The following NTSR1 variants were observed in gnomAD, a reference collection of about 807,000 sequenced individuals.
NTSR1 encodes the protein neurotensin receptor 1.
Under a neutral mutation model 31.2 loss-of-function variants are expected in NTSR1, and 29 were observed. The observed-to-expected ratio is 0.93, with a 90% CI of 0.69 to 1.27. NTSR1 has a LOEUF of 1.27. Ranked by LOEUF, NTSR1 falls within the 50% of genes most tolerant of loss-of-function variation. The probability of loss-of-function intolerance (pLI) is 0.00; values close to 1 mark genes in which losing one functional copy is unlikely to be tolerated. For synonymous variants in NTSR1, 282 were observed against 269.9 expected (o/e 1.04, Z -0.44); for missense variants, 697 against 595.4 (o/e 1.17, Z -1.78).
rs557535083 is a variant in NTSR1, at chr20:62,760,214, G to A, written c.1204G>A (p.Val402Met). Residue 402 changes from valine to methionine, a missense_variant, in exon 4 of 4, where the codon GTG becomes ATG. Coordinates refer to ENST00000370501, the MANE Select transcript of NTSR1 (RefSeq NM_002531.3). ...RPAFSRKADS[V>M]SSNHTLSSNA... ...AGCCTTCTCGAGGAAGGCCGACAGCGTGTCCAGCAACCACACCCTCTCCAG... is the reference window on the plus strand; with the variant it reads ...AGCCTTCTCGAGGAAGGCCGACAGCATGTCCAGCAACCACACCCTCTCCAG... The A allele has an allele frequency of 4.5e-5, 72 of 1,613,694 alleles. 1 individual carries two copies. Among genetic ancestry groups the A allele is most frequent in the South Asian group, 1.4e-4 (13 of 91,078 alleles).
intron 1 of NTSR1, among the ~76,000 whole-genome samples, chr20:62,747,011 C>A (rs928202404): frequency 6.6e-6 from 1 of 152,230 alleles, no homozygotes; most frequent in Non-Finnish European, 1.5e-5. Context: ...TGGCAAACTT[C>A]ATTCAACAGC....
At chr20:62,734,475 C>G (rs1251859858) in intron 1 of NTSR1, among the ~76,000 whole-genome samples, 5 of 152,210 alleles carry the variant, frequency 3.3e-5, no homozygotes, top group Non-Finnish European at 5.9e-5. Context: ...CATTCTTGAC[C>G]TTGTGCAATG....
At chr20:62,719,122 T>TTA (rs1487625192) in intron 1 of NTSR1, among the ~76,000 whole-genome samples, 1 of 63,826 alleles carries the variant, frequency 1.6e-5, no homozygotes, top group Non-Finnish European at 3.8e-5. Flanking sequence ...TTTTTTTCTT[T>TTA]CAAAAAAAAA....
chr20:62,731,943 A>G (rs1406221960), intron 1 of NTSR1, among the ~76,000 whole-genome samples: 2 of 151,876 alleles, frequency 1.3e-5, no homozygotes, highest in Non-Finnish European at 2.9e-5. Context: ...ATATAGTGAA[A>G]CCCCCATCTC....
rs536787765 is a variant in NTSR1 at position 62,760,328 on chromosome 20, CAG to C, written c.*64_*65del. 2.9e-5 allele frequency: 45 copies of C among 1,535,974 alleles called. No homozygotes were observed. The African/African-American group carries it at 4.8e-4, about 16-fold the overall frequency. ...GCCATGGGTCCTTGCCCCCGACAGA[CAG>C]AGCAGCCCCCACCCGGGAGCCTTGA... On this transcript the variant is annotated 3_prime_UTR_variant, in exon 4 of 4. Transcript: ENST00000370501.
Position 62,758,312 on chromosome 20 carries a change from G to A in NTSR1, c.963G>A (p.Val321=), listed in dbSNP as rs775543868. 2.5e-6 allele frequency: 4 copies of A among 1,613,662 alleles called. No individual in the cohort carries two copies. The highest frequency in any genetic ancestry group is 3.4e-6 in the Non-Finnish European group (4 of 1,180,004). The change falls in exon 3 of 4, where the codon GTG becomes GTA. Residue 321 remains valine, a synonymous_variant. Coordinates refer to ENST00000370501, the MANE Select transcript of NTSR1 (RefSeq NM_002531.3). The surrounding 1 kb of genome is among the most constrained non-coding windows in gnomAD (Gnocchi z 4.5). The part of the protein sequence containing the change: ...AFVVCWLPYH[V]RRLMFCYISD... ...TGGTCTGCTGGCTGCCCTACCACGT[G>A]CGGCGCCTCATGTTCTGCTACATCT... is the stretch of plus-strand genomic sequence containing the variant.
At chr20:62,747,198 A>G (rs1469495376) in intron 1 of NTSR1, among the ~76,000 whole-genome samples, 1 of 152,262 alleles carries the variant, frequency 6.6e-6, no homozygotes, top group Non-Finnish European at 1.5e-5. Flanking sequence ...GCATCCTTTC[A>G]TGATAAAAAC....
rs767463091 is a variant in NTSR1 at position 62,709,837 on chromosome 20, G to A, written c.630G>A (p.Gln210=). Residue 210 remains glutamine, a synonymous_variant, in exon 1 of 4, where the codon CAG becomes CAA. Coordinates refer to ENST00000370501, the MANE Select transcript of NTSR1 (RefSeq NM_002531.3). ...CTATGCTGTTCACCATGGGCGAGCA[G>A]AACCGCAGCGCCGACGGCCAGCACG... ...AVPMLFTMGE[Q]NRSADGQHAG... 2.5e-6 allele frequency: 4 copies of A among 1,611,382 alleles called. No homozygotes were observed. In the South Asian group the frequency reaches 4.4e-5, roughly 18 times the overall value.
At position 62,727,340 on chromosome 20, in the gene NTSR1, G is replaced by C. The variant is rs561489281; in HGVS notation, c.714+17419G>C. Reference sequence around the variant, plus strand: ...GGAGCAGCAAGGGCTGGGTGGAAGTGGGGGGTCCCAGCAAGTCCCAGCCCA... The same window carrying C: ...GGAGCAGCAAGGGCTGGGTGGAAGTCGGGGGTCCCAGCAAGTCCCAGCCCA... On this transcript the variant is annotated intron_variant, in intron 1 of 3. Transcript: ENST00000370501. 3.3e-5 allele frequency among the ~76,000 whole-genome samples: 5 copies of C among 152,340 alleles called. No individual in the cohort carries two copies. The South Asian group carries it at 6.2e-4, about 19-fold the overall frequency.
chr20:62,712,555 G>C (rs1988636427), intron 1 of NTSR1, among the ~76,000 whole-genome samples: 1 of 152,252 alleles, frequency 6.6e-6, no homozygotes, highest in African/African-American at 2.4e-5. Flanking sequence ...AGCTGGGACT[G>C]GGAGTTGATG....
chr20:62,754,766 A>G lies in NTSR1; in HGVS notation c.796A>G (p.Met266Val). ...CATCATCGCCAACAAGCTGACCGTC[A>G]TGGTACGCCAGGCGGCCGAGCAGGG... ...NTIIANKLTVMVRQAAEQGQV... is the reference protein window; with the variant it reads ...NTIIANKLTVVVRQAAEQGQV... The change falls in exon 2 of 4, where the codon ATG becomes GTG. Residue 266 changes from methionine to valine, a missense_variant. Physicochemically the swap from Met to Val is conservative, Grantham distance 21 (BLOSUM62 1). Transcript: ENST00000370501. The G allele has an allele frequency of 6.2e-7, 1 of 1,612,526 alleles. No individual in the cohort carries two copies. Among genetic ancestry groups the G allele is most frequent in the South Asian group, 1.1e-5 (1 of 91,070 alleles).
intron 1 of NTSR1, among the ~76,000 whole-genome samples, chr20:62,726,993 T>A (rs1476358934): frequency 6.6e-6 from 1 of 152,166 alleles, no homozygotes; most frequent in Non-Finnish European, 1.5e-5. Flanking sequence ...ACCGTGGCCT[T>A]GGATGAAAGG....
At chr20:62,750,547 T>C (rs1208988364) in intron 1 of NTSR1, among the ~76,000 whole-genome samples, 1 of 151,782 alleles carries the variant, frequency 6.6e-6, no homozygotes, top group Non-Finnish European at 1.5e-5. Context: ...AAAAATTAGC[T>C]GGGCATGGTG....
At chr20:62,721,825 C>T (rs4334545) in intron 1 of NTSR1, among the ~76,000 whole-genome samples, 39,848 of 152,084 alleles carry the variant, frequency 0.26, 5,789 homozygotes, top group Middle Eastern at 0.35. Flanking sequence ...CATGTTATGT[C>T]CTCTGCTGAC....
intron 1 of NTSR1, among the ~76,000 whole-genome samples, chr20:62,730,928 G>A (rs1185564135): frequency 6.6e-6 from 1 of 152,112 alleles, no homozygotes; most frequent in Non-Finnish European, 1.5e-5. Context: ...CTTCATGTTT[G>A]TTTCCTTATT....
chr20:62,739,626 G>C (rs1989166819), intron 1 of NTSR1, among the ~76,000 whole-genome samples: 1 of 152,250 alleles, frequency 6.6e-6, no homozygotes, highest in Non-Finnish European at 1.5e-5. Context: ...ACCATAATCA[G>C]ATTCACCACA....
intron 1 of NTSR1, among the ~76,000 whole-genome samples, chr20:62,720,440 G>T (rs1018808879): frequency 6.6e-6 from 1 of 152,120 alleles, no homozygotes; most frequent in African/African-American, 2.4e-5. Context: ...TTTATTTGTG[G>T]TATTCTGTCA....
intron 1 of NTSR1, among the ~76,000 whole-genome samples, chr20:62,720,887 C>T (rs1022682767): frequency 1.3e-5 from 2 of 151,982 alleles, no homozygotes; most frequent in South Asian, 4.1e-4. Flanking sequence ...CCTCTTTAAC[C>T]TTTGTGTTAT....
Position 62,715,614 on chromosome 20 carries a change from C to T in NTSR1, c.714+5693C>T, listed in dbSNP as rs1468768308. Among the ~76,000 whole-genome samples the T allele has an allele frequency of 1.3e-5, 2 of 152,242 alleles. No homozygotes were observed. The highest frequency in any genetic ancestry group is 4.8e-5 in the African/African-American group (2 of 41,456). On this transcript the variant is annotated intron_variant, in intron 1 of 3. Transcript: ENST00000370501. This position sits in a 1 kb window ranked among gnomAD's most constrained non-coding sequence, Gnocchi z 4.7. ...TCAGGCTCACCTGTTCACAGCTCTG[C>T]ATTGTGACCCGGGGTCAGCTCTCCC...
Sources: gnomAD v4.1 joint callset for allele counts (sites outside exome capture counted in the v4.1 genomes callset) on GRCh38, gnomAD v4.1.1 for gene constraint, Gnocchi (gnomAD v3.1) non-coding constraint, MANE v1.5 for transcripts, NCBI Gene and HGNC (gene_info 2026-07-23, HGNC 2026-07-21) for gene names.